The following PPARA variants were observed in gnomAD, a reference collection of about 807,000 sequenced individuals.
PPARA encodes the protein peroxisome proliferator-activated receptor alpha.
In PPARA, 22 loss-of-function variants were observed where a neutral mutation model predicts 42.2. That is an observed-to-expected ratio of 0.52 (90% CI 0.37 to 0.74). The LOEUF (loss-of-function observed/expected upper bound fraction) is 0.74. PPARA is among the 30% of genes least tolerant of loss of function. The probability of loss-of-function intolerance (pLI) is 0.00; values close to 1 mark genes in which losing one functional copy is unlikely to be tolerated. For synonymous variants in PPARA, 242 were observed against 239.3 expected (o/e 1.01, Z -0.10); for missense variants, 465 against 608.2 (o/e 0.76, Z 2.48).
chr22:46,178,200 TTCTA>T (rs1376105071), intron 3 of PPARA, among the ~76,000 whole-genome samples: 1 of 152,216 alleles, frequency 6.6e-6, no homozygotes, highest in African/African-American at 2.4e-5. Context: ...CATGAAATAT[TTCTA>T]TCTGTCAGAA....
At chr22:46,202,343 G>A (rs922273598) in intron 4 of PPARA, among the ~76,000 whole-genome samples, 1 of 152,184 alleles carries the variant, frequency 6.6e-6, no homozygotes, top group Non-Finnish European at 1.5e-5. Flanking sequence ...ACAGAGGTAA[G>A]GCTTGAGAAT....
rs1351995053 is a variant in PPARA at position 46,180,603 on chromosome 22, C to T, written c.-43+3767C>T. Reference sequence around the variant, plus strand: ...TCACAAGAATATCACAAGATGATAACGGCCTTTATTCTCACTTCTGTATGC... The same window carrying T: ...TCACAAGAATATCACAAGATGATAATGGCCTTTATTCTCACTTCTGTATGC... On this transcript the variant is annotated intron_variant, in intron 3 of 8. Transcript: ENST00000407236. The surrounding 1 kb of genome is among the most constrained non-coding windows in gnomAD (Gnocchi z 4.2). Among the ~76,000 whole-genome samples the T allele has an allele frequency of 6.6e-6, 1 of 152,116 alleles. No homozygotes were observed. Among genetic ancestry groups the T allele is most frequent in the African/African-American group, 2.4e-5 (1 of 41,410 alleles).
At chr22:46,178,753 G>A (rs939254895) in intron 3 of PPARA, among the ~76,000 whole-genome samples, 9 of 152,120 alleles carry the variant, frequency 5.9e-5, no homozygotes, top group African/African-American at 2.2e-4. Flanking sequence ...ACTCACGCAG[G>A]GCCAGGAACA....
rs1457299888 is a variant in PPARA, at chr22:46,167,539, G to A, written c.-126-9214G>A. Among the ~76,000 whole-genome samples, 4 of 152,118 alleles carry A rather than the reference G, an allele frequency of 2.6e-5. No homozygotes were observed. The highest frequency in any genetic ancestry group is 5.9e-5 in the Non-Finnish European group (4 of 68,024). On this transcript the variant is annotated intron_variant, in intron 2 of 8. Coordinates refer to ENST00000407236, the MANE Select transcript of PPARA (RefSeq NM_005036.6). The surrounding 1 kb of genome is among the most constrained non-coding windows in gnomAD (Gnocchi z 4.1). ...ATGATGACACTCACCTGTAGTCCCA[G>A]CTGCACAGTAGTCTGAGGTGGGAGG...
At chr22:46,178,156 C>G (rs1020064324) in intron 3 of PPARA, among the ~76,000 whole-genome samples, 1 of 152,126 alleles carries the variant, frequency 6.6e-6, no homozygotes, top group African/African-American at 2.4e-5. Context: ...AACAGTTTAT[C>G]TACTTTGAAA....
Position 46,230,570 on chromosome 22 carries a change from T to C in PPARA, c.712-1222T>C, listed in dbSNP as rs1935796956. 6.6e-6 allele frequency among the ~76,000 whole-genome samples: 1 copy of C among 152,178 alleles called. No homozygotes were observed. The highest frequency in any genetic ancestry group is 1.5e-5 in the Non-Finnish European group (1 of 68,030). On this transcript the variant is annotated intron_variant, in intron 7 of 8. Transcript: ENST00000407236. The surrounding 1 kb of genome is among the most constrained non-coding windows in gnomAD (Gnocchi z 5.0). ...ACACATGTAATCCCTTCTGAGCATG[T>C]TGGCTTCAAATAATATGGCCAGCCA...
rs1933082986 is a variant in PPARA, at chr22:46,204,966, C to T, written c.208+6375C>T. Among the ~76,000 whole-genome samples, 1 of 151,970 alleles carries T rather than the reference C, an allele frequency of 6.6e-6. No individual in the cohort carries two copies. On this transcript the variant is annotated intron_variant, in intron 4 of 8. Transcript: ENST00000407236. This position sits in a 1 kb window ranked among gnomAD's most constrained non-coding sequence, Gnocchi z 5.2. The stretch of plus-strand genomic sequence containing the variant: ...TACTGCAGCCTTGACCTCTTGGGCT[C>T]AGGAAACCCTCCGACCTCAGCCTCC...
intron 4 of PPARA, among the ~76,000 whole-genome samples, chr22:46,207,493 C>G (rs1043338733): frequency 6.7e-6 from 1 of 149,792 alleles, no homozygotes; most frequent in Non-Finnish European, 1.5e-5. Context: ...CCATGTTAGC[C>G]AGGATGGTCT....
chr22:46,198,253 A>AAT, intron 3 of PPARA, 89 bp from the exon 4 acceptor site: 1 of 459,198 alleles, frequency 2.2e-6, no homozygotes, highest in Non-Finnish European at 3.3e-6. Flanking sequence ...AAAAAAAAAA[A>AAT]GAATAAATAA....
At chr22:46,197,545 T>C (rs933799193) in intron 3 of PPARA, among the ~76,000 whole-genome samples, 42 of 152,176 alleles carry the variant, frequency 2.8e-4, no homozygotes, top group Admixed American at 2.0e-4. Context: ...AGAGGCTCAG[T>C]GGTGCTCCTG....
intron 3 of PPARA, among the ~76,000 whole-genome samples, chr22:46,194,893 CTTTTT>C (rs1161037504): frequency 2.6e-5 from 3 of 116,056 alleles, no homozygotes; most frequent in African/African-American, 9.3e-5. Context: ...TGTTTTCTTT[CTTTTT>C]TTTTTTTTTT....
chr22:46,168,128 G>GCTT (rs1291741425), intron 2 of PPARA, among the ~76,000 whole-genome samples: 4 of 151,632 alleles, frequency 2.6e-5, no homozygotes, highest in Admixed American at 6.6e-5. Context: ...TGAAGCAGGT[G>GCTT]GATCACAAGG....
rs918315840 is a variant in PPARA, at chr22:46,192,319, C to T, written c.-42-6023C>T. On this transcript the variant is annotated intron_variant, in intron 3 of 8. Coordinates refer to ENST00000407236, the MANE Select transcript of PPARA (RefSeq NM_005036.6). The surrounding 1 kb of genome is among the most constrained non-coding windows in gnomAD (Gnocchi z 4.3). ...GAAGAGCTTCTTCTCCCATTTATAACTCATTTTAGCCTAATCTTCCAAACA... is the reference window on the plus strand; with the variant it reads ...GAAGAGCTTCTTCTCCCATTTATAATTCATTTTAGCCTAATCTTCCAAACA... Among the ~76,000 whole-genome samples the T allele has an allele frequency of 6.6e-6, 1 of 152,202 alleles. No homozygotes were observed. The highest frequency in any genetic ancestry group is 2.4e-5 in the African/African-American group (1 of 41,440).
rs1381720746 is a variant in PPARA at position 46,180,732 on chromosome 22, T to C, written c.-43+3896T>C. Among the ~76,000 whole-genome samples, 1 of 152,212 alleles carries C rather than the reference T, an allele frequency of 6.6e-6. No individual in the cohort carries two copies. Among genetic ancestry groups the C allele is most frequent in the Non-Finnish European group, 1.5e-5 (1 of 68,040 alleles). ...TGGATGCAAGTCCACTGAGCCAGTG[T>C]ACACCTTAAATAAATCCTCCTGAAC... On this transcript the variant is annotated intron_variant, in intron 3 of 8. Transcript: ENST00000407236. This position sits in a 1 kb window ranked among gnomAD's most constrained non-coding sequence, Gnocchi z 4.2.
rs1555951376 is a variant in PPARA at position 46,207,677 on chromosome 22, A to ATTATTATTAT, written c.209-7494_209-7493insATTATTATTT. Among the ~76,000 whole-genome samples, 32 of 50,724 alleles carry ATTATTATTAT rather than the reference A, an allele frequency of 6.3e-4. 1 individual carries two copies. The highest frequency in any genetic ancestry group is 2.6e-3 in the African/African-American group (31 of 11,956). 33.3% of individuals were successfully genotyped at this position (50,724 alleles called of 152,430 possible). A position where few individuals can be genotyped will look rare whatever the true frequency, so the allele number is the denominator to read the frequency against. On this transcript the variant is annotated intron_variant, in intron 4 of 8. Coordinates refer to ENST00000407236, the MANE Select transcript of PPARA (RefSeq NM_005036.6). Reference sequence around the variant, plus strand: ...TATTATTATTATTATTATTATTATTATTTTTTTTTTTTTTTTTTTTTTTAG... The same window carrying ATTATTATTAT: ...TATTATTATTATTATTATTATTATTATTATTATTATTTTTTTTTTTTTTTTTTTTTTTTAG...
rs774488578 is a variant in PPARA at position 46,180,465 on chromosome 22, C to G, written c.-43+3629C>G. Among the ~76,000 whole-genome samples, 1 of 152,106 alleles carries G rather than the reference C, an allele frequency of 6.6e-6. No homozygotes were observed. Among genetic ancestry groups the G allele is most frequent in the South Asian group, 2.1e-4 (1 of 4,820 alleles). Reference sequence around the variant, plus strand: ...TGTGTGAAACATTAATCTTATCTAGCCTCCATGTATTTTGTAAGTTCTGTA... The same window carrying G: ...TGTGTGAAACATTAATCTTATCTAGGCTCCATGTATTTTGTAAGTTCTGTA... On this transcript the variant is annotated intron_variant, in intron 3 of 8. Coordinates refer to ENST00000407236, the MANE Select transcript of PPARA (RefSeq NM_005036.6). This position sits in a 1 kb window ranked among gnomAD's most constrained non-coding sequence, Gnocchi z 4.2.
intron 5 of PPARA, 95 bp from the exon 6 acceptor site, chr22:46,218,168 A>G (rs1392952392): frequency 1.3e-6 from 2 of 1,491,394 alleles, no homozygotes; most frequent in African/African-American, 1.4e-5. Context: ...ATTTAAAAAG[A>G]AACAATAAAT....
chr22:46,160,331 C>G lies in PPARA; in HGVS notation c.-127+8361C>G, dbSNP rs1346126533. On this transcript the variant is annotated intron_variant, in intron 2 of 8. Transcript: ENST00000407236. This position sits in a 1 kb window ranked among gnomAD's most constrained non-coding sequence, Gnocchi z 4.5. ...TTTGTTTTTGAGATGGAGTCTCGCT[C>G]TGTCACCCAGGCCGGAGTGCAGTGG... Among the ~76,000 whole-genome samples, 2 of 152,236 alleles carry G rather than the reference C, an allele frequency of 1.3e-5. No individual in the cohort carries two copies. The highest frequency in any genetic ancestry group is 4.8e-5 in the African/African-American group (2 of 41,464).
At chr22:46,198,254 G>GAATA (rs948319491) in intron 3 of PPARA, 88 bp from the exon 4 acceptor site, 23 of 345,244 alleles carry the variant, frequency 6.7e-5, no homozygotes, top group Non-Finnish European at 1.0e-4. Context: ...AAAAAAAAAA[G>GAATA]AATAAATAAA....
Sources: gnomAD v4.1 joint callset for allele counts (sites outside exome capture counted in the v4.1 genomes callset) on GRCh38, gnomAD v4.1.1 for gene constraint, Gnocchi (gnomAD v3.1) non-coding constraint, MANE v1.5 for transcripts, NCBI Gene and HGNC (gene_info 2026-07-23, HGNC 2026-07-21) for gene names.